Variants in MEGF11 observed in about 807,000 individuals in gnomAD.
The protein encoded by MEGF11 is multiple EGF like domains 11.
A neutral mutation model predicts 146.6 loss-of-function variants in MEGF11; 126 were observed. The observed-to-expected ratio is 0.86, with a 90% CI of 0.74 to 1.00. MEGF11 has a LOEUF of 1.00. Ranked by LOEUF, MEGF11 falls within the 50% of genes least tolerant of loss-of-function variation. MEGF11 has a pLI of 0.00. For missense variants in MEGF11, 1,509 were observed against 1,521.2 expected (o/e 0.99, Z 0.13); for synonymous variants, 532 against 583.4 (o/e 0.91, Z 1.27).
At chr15:66,223,849 G>A (rs1002240778) in intron 1 of MEGF11, among the ~76,000 whole-genome samples, 1 of 152,364 alleles carries the variant, frequency 6.6e-6, no homozygotes, top group South Asian at 2.1e-4. Flanking sequence ...CTCATTATGT[G>A]TGGAGGGTGT....
At chr15:66,120,318 A>G (rs1040198680) in intron 3 of MEGF11, among the ~76,000 whole-genome samples, 2 of 152,204 alleles carry the variant, frequency 1.3e-5, no homozygotes, top group Non-Finnish European at 2.9e-5. Flanking sequence ...TGGCTACTAG[A>G]GACTAGAGAG....
intron 7 of MEGF11, 37 bp downstream of exon 7, chr15:65,980,741 C>T (rs370615614): frequency 3.2e-6 from 5 of 1,553,200 alleles, no homozygotes; most frequent in Non-Finnish European, 4.3e-6. Flanking sequence ...AGGCTCAGCC[C>T]TCCAGTGCCC....
intron 7 of MEGF11, chr15:65,970,944 G>T (rs989881231): frequency 6.0e-6 from 3 of 500,538 alleles, no homozygotes; most frequent in Admixed American, 3.4e-5. Flanking sequence ...CACTAGGGGT[G>T]ATTCGATTTG....
intron 1 of MEGF11, among the ~76,000 whole-genome samples, chr15:66,239,261 T>C (rs2092159081): frequency 6.6e-6 from 1 of 152,236 alleles, no homozygotes; most frequent in African/African-American, 2.4e-5. Flanking sequence ...TTCTGTTCCC[T>C]GAACTGAGTT....
At chr15:65,900,279 A>G (rs2078463219) in intron 24 of MEGF11, among the ~76,000 whole-genome samples, 1 of 152,206 alleles carries the variant, frequency 6.6e-6, no homozygotes, top group East Asian at 1.9e-4. Context: ...TTGGGCTGCT[A>G]TTTATGCTGT....
intron 4 of MEGF11, among the ~76,000 whole-genome samples, chr15:66,099,405 G>A (rs1219773559): frequency 2.6e-5 from 4 of 151,860 alleles, no homozygotes; most frequent in East Asian, 1.9e-4. Context: ...GGCTGGTCTC[G>A]AACTCCTGAC....
chr15:66,248,695 C>A (rs1279515557), intron 1 of MEGF11, among the ~76,000 whole-genome samples: 9 of 152,202 alleles, frequency 5.9e-5, no homozygotes, highest in Admixed American at 5.9e-4. Flanking sequence ...GAGGATCAAA[C>A]TAAAAGCAAG....
At chr15:65,992,295 C>T (rs72742866) in intron 5 of MEGF11, among the ~76,000 whole-genome samples, 1,548 of 152,308 alleles carry the variant, frequency 0.01, 7 homozygotes, top group Middle Eastern at 0.024. Flanking sequence ...CCGGGCATCT[C>T]TCTGCAGATG....
At chr15:66,230,779 T>G (rs535585249) in intron 1 of MEGF11, among the ~76,000 whole-genome samples, 1 of 152,196 alleles carries the variant, frequency 6.6e-6, no homozygotes, top group South Asian at 2.1e-4. Flanking sequence ...AAATTTTTCA[T>G]TGTAAAGAGT....
rs530752618 is a variant in MEGF11, at chr15:65,929,990, C to T, written c.1409-107G>A. Reference sequence around the variant, plus strand: ...AGCATTCCACCCAAACCACTGCTTTCCTGAGGGCTGGGTTAGAACACACAT... The same window carrying T: ...AGCATTCCACCCAAACCACTGCTTTTCTGAGGGCTGGGTTAGAACACACAT... On this transcript the variant is annotated intron_variant, in intron 11 of 25. Transcript: ENST00000395614. 1.2e-4 allele frequency: 135 copies of T among 1,118,060 alleles called. No homozygotes were observed. In the South Asian group the frequency reaches 2.0e-3, roughly 17 times the overall value. 69.3% of individuals were successfully genotyped at this position (1,118,060 alleles called of 1,614,324 possible).
At chr15:65,949,530 T>C (rs2080317134) in intron 10 of MEGF11, among the ~76,000 whole-genome samples, 1 of 152,232 alleles carries the variant, frequency 6.6e-6, no homozygotes, top group Admixed American at 6.5e-5. Flanking sequence ...ATAGAAATGC[T>C]GTCATCCTGG....
chr15:65,982,301 A>G lies in MEGF11; in HGVS notation c.582T>C (p.Gly194=). ...CGCCGGCGCGGGGGTCGCAGCTGGC[A>G]CCGTGTCGGCACTGGCACGGCAGCT... ...GCQLPCQCRH[G]ASCDPRAGEC... Residue 194 remains glycine, a synonymous_variant, in exon 6 of 26, where the codon GGT becomes GGC. Coordinates refer to ENST00000395614, the MANE Select transcript of MEGF11 (RefSeq NM_001385028.1). This position sits in a 1 kb window ranked among gnomAD's most constrained non-coding sequence, Gnocchi z 5.6. The G allele has an allele frequency of 6.5e-7, 1 of 1,538,562 alleles. No homozygotes were observed. The highest frequency in any genetic ancestry group is 8.7e-7 in the Non-Finnish European group (1 of 1,145,120).
At chr15:66,226,290 AG>A (rs71139475) in intron 1 of MEGF11, among the ~76,000 whole-genome samples, 151,163 of 151,170 alleles carry the variant, frequency 1, 75,578 homozygotes, top group Middle Eastern at 1. Flanking sequence ...TCTGTCACCC[AG>A]GGGTGGAGTG....
intron 5 of MEGF11, among the ~76,000 whole-genome samples, chr15:66,028,693 C>T (rs2083418808): frequency 6.6e-6 from 1 of 152,212 alleles, no homozygotes; most frequent in Non-Finnish European, 1.5e-5. Flanking sequence ...TATATAAACC[C>T]AACGCACTAT....
chr15:66,053,715 A>C (rs392186), intron 5 of MEGF11, among the ~76,000 whole-genome samples: 8 of 32,070 alleles, frequency 2.5e-4, no homozygotes, highest in South Asian at 2.4e-3. Context: ...CCTGGCACCA[A>C]TTTTTTTTTT....
At chr15:66,038,945 G>C (rs1012625692) in intron 5 of MEGF11, among the ~76,000 whole-genome samples, 1 of 152,106 alleles carries the variant, frequency 6.6e-6, no homozygotes, top group Non-Finnish European at 1.5e-5. Context: ...GTTCACTCAG[G>C]GCACATACTC....
intron 8 of MEGF11, among the ~76,000 whole-genome samples, chr15:65,965,600 C>CTTTCTTTCTTTTTTTTTTTTTTTTT (rs1555456992): frequency 1.6e-4 from 3 of 18,880 alleles, no homozygotes; most frequent in African/African-American, 2.2e-4. Flanking sequence ...TTCTTTCTTT[C>CTTTCTTTCTTTTTTTTTTTTTTTTT]TTTTTTTTTT....
chr15:66,034,121 A>T (rs1209670259), intron 5 of MEGF11, among the ~76,000 whole-genome samples: 2 of 152,166 alleles, frequency 1.3e-5, no homozygotes, highest in Non-Finnish European at 2.9e-5. Context: ...TCTTCTTGCT[A>T]ATTCCTCCCT....
intron 7 of MEGF11, chr15:65,971,083 T>A (rs1377334430): frequency 5.3e-6 from 1 of 188,330 alleles, no homozygotes; most frequent in African/African-American, 2.3e-5. Context: ...GTAAACATGC[T>A]GGTATGGAGA....
Sources: gnomAD v4.1 joint callset for allele counts (sites outside exome capture counted in the v4.1 genomes callset) on GRCh38, gnomAD v4.1.1 for gene constraint, Gnocchi (gnomAD v3.1) non-coding constraint, MANE v1.5 for transcripts, NCBI Gene and HGNC (gene_info 2026-07-23, HGNC 2026-07-21) for gene names.